The following NIBAN2 variants were observed in gnomAD, a reference collection of about 807,000 sequenced individuals.
The protein encoded by NIBAN2 is protein Niban 2.
In NIBAN2, 36 loss-of-function variants were observed where a neutral mutation model predicts 81.8. That is an observed-to-expected ratio of 0.44 (90% CI 0.34 to 0.58). NIBAN2 has a LOEUF of 0.58. Ranked by LOEUF, NIBAN2 falls within the 20% of genes least tolerant of loss-of-function variation. The pLI, the probability that NIBAN2 is intolerant of heterozygous loss-of-function variation, is 0.02. For missense variants in NIBAN2, 897 were observed against 1,014.1 expected, an observed-to-expected ratio of 0.88 and a Z score of 1.57; for synonymous variants, 445 against 441.6, an observed-to-expected ratio of 1.01 and a Z score of -0.10.
chr9:127,515,520 CAAAAAAAAAAAA>C (rs60740827), intron 8 of NIBAN2, among the ~76,000 whole-genome samples: 2 of 90,502 alleles, frequency 2.2e-5, no homozygotes, highest in South Asian at 3.9e-4. Context: ...GACTCCGTCT[CAAAAAAAAAAAA>C]AAAAAAACAA....
intron 8 of NIBAN2, among the ~76,000 whole-genome samples, chr9:127,512,269 G>T (rs1398673014): frequency 6.7e-6 from 1 of 150,206 alleles, no homozygotes; most frequent in African/African-American, 2.4e-5. Context: ...TTTCCGGACT[G>T]AACCATGTTC....
chr9:127,516,998 T>G lies in NIBAN2; in HGVS notation c.832A>C (p.Met278Leu). ...CGCGCCTTGGCCTGCTCGTACACCATGTGGTACACGGCGTCCGAGATCTGT... is the reference window on the plus strand; with the variant it reads ...CGCGCCTTGGCCTGCTCGTACACCAGGTGGTACACGGCGTCCGAGATCTGT... ...WIQISDAVYH[M>L]VYEQAKARFE... Residue 278 changes from methionine to leucine, a missense_variant, in exon 8 of 14, where the codon ATG (methionine) becomes CTG (leucine). By Grantham distance (15) the Met-to-Leu change is conservative. This residue lies in a region of NIBAN2 where 619 missense variants were observed against 691.0 expected (regional missense o/e 0.90). Transcript: ENST00000373312. 1.2e-6 allele frequency: 2 copies of G among 1,613,832 alleles called. No individual in the cohort carries two copies. The highest frequency in any genetic ancestry group is 1.7e-6 in the Non-Finnish European group (2 of 1,179,900).
At chr9:127,567,195 T>C (rs1837873101) in intron 1 of NIBAN2, among the ~76,000 whole-genome samples, 1 of 151,794 alleles carries the variant, frequency 6.6e-6, no homozygotes, top group African/African-American at 2.4e-5. Flanking sequence ...GCACTGAGTA[T>C]GGGGAGAGGA....
chr9:127,518,473 G>A (rs1422152606), intron 5 of NIBAN2, among the ~76,000 whole-genome samples: 2 of 152,206 alleles, frequency 1.3e-5, no homozygotes, highest in African/African-American at 2.4e-5. Context: ...AGCCCGGCAG[G>A]CCATAAAACC....
intron 8 of NIBAN2, among the ~76,000 whole-genome samples, chr9:127,516,652 T>G (rs553754622): frequency 4.6e-5 from 7 of 152,130 alleles, no homozygotes; most frequent in Admixed American, 1.3e-4. Context: ...GAACAAAAAT[T>G]TTTCTCTTCA....
chr9:127,568,601 C>T (rs1393097887), intron 1 of NIBAN2, among the ~76,000 whole-genome samples: 1 of 152,074 alleles, frequency 6.6e-6, no homozygotes, highest in Non-Finnish European at 1.5e-5. Context: ...TCCGAGTCCC[C>T]TTGAGCCGGG....
chr9:127,536,966 G>A lies in NIBAN2; in HGVS notation c.56-5188C>T, dbSNP rs11789756. Among the ~76,000 whole-genome samples the A allele has an allele frequency of 0.14, 21,098 of 152,244 alleles. 1,763 individuals are homozygous for A. The highest frequency in any genetic ancestry group is 0.28 in the Admixed American group (4,240 of 15,296). On this transcript the variant is annotated intron_variant, in intron 1 of 13. Transcript: ENST00000373312. This position sits in a 1 kb window ranked among gnomAD's most constrained non-coding sequence, Gnocchi z 4.0. ...TGGTAGAAATCACTCGCTTCTGTGA[G>A]CTACAGAGAGGCTGGGGTGGGGTGG...
At chr9:127,524,295 C>A (rs1564302107) in intron 4 of NIBAN2, among the ~76,000 whole-genome samples, 1 of 152,138 alleles carries the variant, frequency 6.6e-6, no homozygotes, top group Non-Finnish European at 1.5e-5. Context: ...GGAATTTTTC[C>A]CTCCTTCAAT....
chr9:127,523,990 C>T (rs188611429), intron 4 of NIBAN2, 144 bp from the exon 5 acceptor site: 168 of 838,754 alleles, frequency 2.0e-4, no homozygotes, highest in Middle Eastern at 3.7e-4. Flanking sequence ...ACCAGCAAGC[C>T]GGCGGGGGTG....
chr9:127,556,511 C>T (rs750710867), intron 1 of NIBAN2, among the ~76,000 whole-genome samples: 8 of 152,176 alleles, frequency 5.3e-5, no homozygotes, highest in Non-Finnish European at 1.2e-4. Flanking sequence ...GGAACTAAAA[C>T]AATTTGCACT....
chr9:127,548,226 A>G (rs1221254935), intron 1 of NIBAN2, among the ~76,000 whole-genome samples: 1 of 152,192 alleles, frequency 6.6e-6, no homozygotes, highest in Non-Finnish European at 1.5e-5. Flanking sequence ...TTAATTCATC[A>G]GGAAGGAGAA....
chr9:127,514,575 G>A (rs943915339), intron 8 of NIBAN2, among the ~76,000 whole-genome samples: 26 of 152,278 alleles, frequency 1.7e-4, no homozygotes, highest in African/African-American at 5.5e-4. Context: ...TGAACAAAAA[G>A]AACAACAGCA....
chr9:127,516,748 A>G, intron 8 of NIBAN2, 109 bp downstream of exon 8: 1 of 1,189,002 alleles, frequency 8.4e-7, no homozygotes, highest in South Asian at 1.5e-5. Context: ...AATTCTTACA[A>G]ATGATCAATG....
intron 1 of NIBAN2, among the ~76,000 whole-genome samples, chr9:127,550,044 G>T (rs995561762): frequency 6.6e-6 from 1 of 152,194 alleles, no homozygotes; most frequent in African/African-American, 2.4e-5. Flanking sequence ...CCTTGAGGGT[G>T]AGTGGGGACC....
intron 9 of NIBAN2, 58 bp from the exon 10 acceptor site, chr9:127,509,189 C>T (rs964584328): frequency 6.6e-7 from 1 of 1,510,346 alleles, no homozygotes; most frequent in Non-Finnish European, 8.9e-7. Context: ...AGGCAGCACC[C>T]CCCACACACT....
Position 127,517,020 on chromosome 9 carries a change from C to G in NIBAN2, c.811-1G>C. ...CCATGTGGTACACGGCGTCCGAGAT[C>G]TGTGGGCAGAGCAGCTGAATTGGCA... On this transcript the variant is annotated splice_acceptor_variant, in intron 7 of 13. Transcript: ENST00000373312. LOFTEE classifies it high-confidence loss of function. The surrounding 1 kb of genome is among the most constrained non-coding windows in gnomAD (Gnocchi z 4.0). 1 of 1,613,100 alleles carries G rather than the reference C, an allele frequency of 6.2e-7. No homozygotes were observed. Among genetic ancestry groups the G allele is most frequent in the Non-Finnish European group, 8.5e-7 (1 of 1,179,384 alleles).
intron 1 of NIBAN2, among the ~76,000 whole-genome samples, chr9:127,551,542 T>TATAA (rs965495681): frequency 4.7e-5 from 7 of 148,670 alleles, no homozygotes; most frequent in South Asian, 2.1e-4. Context: ...TAAATAAAAA[T>TATAA]ATAAATAAAT....
In NIBAN2 at chr9:127,508,320, G is replaced by A; in HGVS notation, c.1434+102C>T. The A allele has an allele frequency of 3.8e-6, 5 of 1,321,104 alleles. No homozygotes were observed. The highest frequency in any genetic ancestry group is 5.4e-6 in the Non-Finnish European group (5 of 926,256). The allele number at this position is 1,321,104 out of a possible 1,614,324, so 81.8% of individuals were successfully genotyped here. ...GTCCTCATCCGCACAAGAGGACCAT[G>A]GCGCCTCCTTGCAGGGACAGCAATC... On this transcript the variant is annotated intron_variant, in intron 11 of 13. Transcript: ENST00000373312. The surrounding 1 kb of genome is among the most constrained non-coding windows in gnomAD (Gnocchi z 6.4).
At chr9:127,538,932 G>A (rs1464357080) in intron 1 of NIBAN2, among the ~76,000 whole-genome samples, 8 of 125,858 alleles carry the variant, frequency 6.4e-5, no homozygotes, top group Admixed American at 4.5e-4. Flanking sequence ...GAGACACAGT[G>A]AGACTCCATC....
Sources: allele counts gnomAD v4.1 joint callset (sites outside exome capture counted in the v4.1 genomes callset), GRCh38; gene constraint gnomAD v4.1.1; regional missense constraint gnomAD v4.1.1; non-coding constraint Gnocchi (gnomAD v3.1); transcripts MANE v1.5; gene names NCBI Gene and HGNC (gene_info 2026-07-23, HGNC 2026-07-21).